ADGRB3: variants seen among roughly 807,000 people sequenced by gnomAD.
ADGRB3 encodes the protein brain-specific angiogenesis inhibitor 3.
ADGRB3 carries 37 observed loss-of-function variants against 193.4 expected under a neutral mutation model. The observed-to-expected ratio is 0.19, with a 90% CI of 0.15 to 0.25. The LOEUF is 0.25. Ranked by LOEUF, ADGRB3 falls within the 10% of genes least tolerant of loss-of-function variation. ADGRB3 has a pLI of 1.00. For synonymous variants in ADGRB3, 690 were observed against 644.2 expected, an observed-to-expected ratio of 1.07 and a Z score of -1.08; for missense variants, 1,637 against 1,852.9, an observed-to-expected ratio of 0.88 and a Z score of 2.14.
At chr6:68,772,124 G>C (rs557384591) in intron 3 of ADGRB3, among the ~76,000 whole-genome samples, 76 of 152,242 alleles carry the variant, frequency 5.0e-4, no homozygotes, top group African/African-American at 1.8e-3. Context: ...GGAAGCTATG[G>C]CAATATCCTA....
intron 5 of ADGRB3, among the ~76,000 whole-genome samples, chr6:68,940,622 G>A (rs575934955): frequency 2.4e-5 from 3 of 122,904 alleles, no homozygotes; most frequent in South Asian, 2.8e-4. Context: ...AAACCTAGCC[G>A]GGTGCGGTGG....
chr6:68,701,767 A>AT (rs1765246858), intron 3 of ADGRB3, among the ~76,000 whole-genome samples: 1 of 152,128 alleles, frequency 6.6e-6, no homozygotes, highest in South Asian at 2.1e-4. Flanking sequence ...TTGGCTCTTC[A>AT]TTATTGTTGT....
At chr6:68,967,165 C>G (rs965063958) in intron 8 of ADGRB3, among the ~76,000 whole-genome samples, 4 of 152,090 alleles carry the variant, frequency 2.6e-5, no homozygotes, top group Non-Finnish European at 5.9e-5. Context: ...ATTTCTGTCT[C>G]CAAGAAGCAC....
At position 69,388,703 on chromosome 6, in the gene ADGRB3, G is replaced by A; in HGVS notation, c.4381G>A (p.Glu1461Lys). 1 of 1,611,452 alleles carries A rather than the reference G, an allele frequency of 6.2e-7. No individual in the cohort carries two copies. Among genetic ancestry groups the A allele is most frequent in the East Asian group, 2.2e-5 (1 of 44,786 alleles). The part of the protein sequence containing the change: ...FRDIPNTSSM[E>K]NPAPNKNPWD... ...CTCTCTTTCCCTCTCTTCTCAACAGGAAAACCCCGCACCAAACAAGAATCC... is the reference window on the plus strand; with the variant it reads ...CTCTCTTTCCCTCTCTTCTCAACAGAAAAACCCCGCACCAAACAAGAATCC... The change falls in exon 32 of 32, where the codon GAA becomes AAA. Residue 1461 changes from glutamate to lysine, a missense_variant and splice_region_variant. Transcript: ENST00000370598.
intron 17 of ADGRB3, among the ~76,000 whole-genome samples, chr6:69,196,665 T>A (rs1765303405): frequency 6.6e-6 from 1 of 152,106 alleles, no homozygotes; most frequent in Non-Finnish European, 1.5e-5. Context: ...AAAAATCTTA[T>A]CTCCAAAATA....
At chr6:68,807,235 C>CTTTTTT (rs771342538) in intron 3 of ADGRB3, among the ~76,000 whole-genome samples, 51 of 100,188 alleles carry the variant, frequency 5.1e-4, no homozygotes, top group African/African-American at 8.6e-4. Context: ...TTTCTTTTTT[C>CTTTTTT]TTTTTTTTTT....
chr6:68,860,878 T>C (rs1405394927), intron 3 of ADGRB3, among the ~76,000 whole-genome samples: 1 of 43,114 alleles, frequency 2.3e-5, no homozygotes, highest in East Asian at 1.2e-3. Flanking sequence ...TAAATATGCT[T>C]TTTTTTTAAG....
intron 17 of ADGRB3, among the ~76,000 whole-genome samples, chr6:69,117,657 A>G (rs1276449398): frequency 1.3e-5 from 2 of 152,118 alleles, no homozygotes; most frequent in Non-Finnish European, 2.9e-5. Context: ...TTGTTTTTAA[A>G]TTTTTCATTA....
At chr6:69,139,099 T>G (rs1203411613) in intron 17 of ADGRB3, among the ~76,000 whole-genome samples, 1 of 152,184 alleles carries the variant, frequency 6.6e-6, no homozygotes, top group East Asian at 1.9e-4. Flanking sequence ...TCATACCCCT[T>G]CACCCTACCA....
Position 68,955,924 on chromosome 6 carries a change from G to A in ADGRB3, c.1196-100G>A, listed in dbSNP as rs1768058240. 21 of 1,187,930 alleles carry A rather than the reference G, an allele frequency of 1.8e-5. No individual in the cohort carries two copies. In the Admixed American group the frequency reaches 4.4e-4, roughly 25 times the overall value. The allele number at this position is 1,187,930 out of a possible 1,614,324, so 73.6% of individuals were successfully genotyped here. A position where few individuals can be genotyped will look rare whatever the true frequency, so the allele number is the denominator to read the frequency against. ...CCATTGTATTCATTCATAGTCCATT[G>A]ATTGGGGTTCATCTTCAAGGGTGGT... On this transcript the variant is annotated intron_variant, in intron 6 of 31. Transcript: ENST00000370598.
chr6:69,004,556 C>T (rs1400095678), intron 11 of ADGRB3, among the ~76,000 whole-genome samples: 1 of 120,610 alleles, frequency 8.3e-6, no homozygotes, highest in Non-Finnish European at 1.7e-5. Context: ...AATGCTATCC[C>T]TCCCCCCTCC....
At chr6:69,260,706 C>T (rs908892275) in intron 20 of ADGRB3, among the ~76,000 whole-genome samples, 11 of 152,102 alleles carry the variant, frequency 7.2e-5, no homozygotes, top group South Asian at 2.1e-4. Flanking sequence ...TATAGCTCTA[C>T]GATTCCAGGA....
At position 69,360,969 on chromosome 6, in the gene ADGRB3, T is replaced by G. The variant is rs768304021; in HGVS notation, c.3696T>G (p.Pro1232=). 1 of 1,612,740 alleles carries G rather than the reference T, an allele frequency of 6.2e-7. No individual in the cohort carries two copies. Among genetic ancestry groups the G allele is most frequent in the East Asian group, 2.2e-5 (1 of 44,832 alleles). The part of the protein sequence containing the change: ...NDDEEEKGTN[P]EGLSYSTLPG... ...ATGAAGAAGAAAAGGGAACAAACCC[T>G]GAAGGGCTAAGCTATTCAACATTGC... Residue 1232 remains proline (P), a synonymous_variant, in exon 29 of 32, where the codon CCT becomes CCG. Coordinates refer to ENST00000370598, the MANE Select transcript of ADGRB3 (RefSeq NM_001704.3).
chr6:68,694,832 A>C (rs1466013970), intron 3 of ADGRB3, among the ~76,000 whole-genome samples: 1 of 152,050 alleles, frequency 6.6e-6, no homozygotes, highest in African/African-American at 2.4e-5. Context: ...TGGAGAAAGC[A>C]TCAGTCTTTT....
At chr6:69,332,870 G>C (rs1582638166) in intron 23 of ADGRB3, 53 bp from the exon 24 acceptor site, 1 of 1,599,416 alleles carries the variant, frequency 6.3e-7, no homozygotes, top group East Asian at 2.2e-5. Context: ...GAGAAACAGG[G>C]ACCTGATTCC....
Position 68,992,917 on chromosome 6 carries a change from T to C in ADGRB3, c.1735-851T>C, listed in dbSNP as rs1769277614. ...TAATTATTGATTATTTCATTTTTTTTTAGTTAATTTTATACAAATTTAGCA... is the reference window on the plus strand; with the variant it reads ...TAATTATTGATTATTTCATTTTTTTCTAGTTAATTTTATACAAATTTAGCA... On this transcript the variant is annotated intron_variant, in intron 10 of 31. Coordinates refer to ENST00000370598, the MANE Select transcript of ADGRB3 (RefSeq NM_001704.3). Among the ~76,000 whole-genome samples the C allele has an allele frequency of 3.3e-5, 5 of 152,274 alleles. No homozygotes were observed. The South Asian group carries it at 1.0e-3, about 32-fold the overall frequency.
rs1446337421 is a variant in ADGRB3, at chr6:68,797,535, A to G, written c.758-133024A>G. 2.0e-5 allele frequency among the ~76,000 whole-genome samples: 3 copies of G among 152,228 alleles called. No individual in the cohort carries two copies. In the East Asian group the frequency reaches 5.8e-4, roughly 30 times the overall value. On this transcript the variant is annotated intron_variant, in intron 3 of 31. Transcript: ENST00000370598. ...CCTAGTAGCAGCATCTTTGGAAAGT[A>G]GGGAAGTCCAGAGTCATTTTTCCAT...
At chr6:68,671,256 T>G (rs1490079728) in intron 3 of ADGRB3, among the ~76,000 whole-genome samples, 1 of 151,988 alleles carries the variant, frequency 6.6e-6, no homozygotes. Flanking sequence ...TTCTTTCTCT[T>G]GTCGGATTGC....
intron 3 of ADGRB3, among the ~76,000 whole-genome samples, chr6:68,761,791 A>C (rs553648745): frequency 6.9e-6 from 1 of 144,306 alleles, no homozygotes; most frequent in Non-Finnish European, 1.5e-5. Context: ...TCTACTCATC[A>C]TTACACTGTG....
Sources: allele counts gnomAD v4.1 joint callset (sites outside exome capture counted in the v4.1 genomes callset), GRCh38; gene constraint gnomAD v4.1.1; transcripts MANE v1.5; gene names NCBI Gene and HGNC (gene_info 2026-07-23, HGNC 2026-07-21).